Variants in DMD observed in about 807,000 individuals in gnomAD.
The protein encoded by DMD is mutant dystrophin.
In DMD, 63 loss-of-function variants were observed where a neutral mutation model predicts 330.1. The observed-to-expected ratio is 0.19, with a 90% CI of 0.16 to 0.24. The LOEUF (loss-of-function observed/expected upper bound fraction) is 0.24, where lower values mean the gene tolerates loss of function less well. Among genes scored for constraint, DMD ranks in the 10% least tolerant of loss-of-function variants. DMD has a pLI of 1.00. For synonymous variants in DMD, 1,223 were observed against 959.8 expected, an observed-to-expected ratio of 1.27 and a Z score of -5.07; for missense variants, 3,344 against 2,684.1, an observed-to-expected ratio of 1.25 and a Z score of -5.43.
intron 2 of DMD, among the ~76,000 whole-genome samples, chrX:32,923,869 A>G (rs1341990370): frequency 8.9e-6 from 1 of 111,973 alleles, no homozygotes; most frequent in Non-Finnish European, 1.9e-5. Context: ...GATACCCAAG[A>G]CAGAAATACA....
At chrX:32,346,149 A>G in intron 38 of DMD, 69 bp from the exon 39 acceptor site, 4 of 1,096,216 alleles carry the variant, frequency 3.6e-6, no homozygotes, top group Non-Finnish European at 5.0e-6. Context: ...AACAGAGATA[A>G]TAAGACATGT....
chrX:31,495,516 G>C (rs1191928766), intron 57 of DMD, among the ~76,000 whole-genome samples: 1 of 111,718 alleles, frequency 9.0e-6, no homozygotes, highest in Non-Finnish European at 1.9e-5. Flanking sequence ...GCTTAGTAGA[G>C]AAGATAGAAA....
intron 17 of DMD, among the ~76,000 whole-genome samples, chrX:32,533,944 G>A (rs976544839): frequency 2.7e-5 from 3 of 111,771 alleles, no homozygotes; most frequent in Non-Finnish European, 3.8e-5. Context: ...AGTGCAATGT[G>A]GAAAGCCATT....
chrX:32,920,883 A>G (rs767219492), intron 2 of DMD, among the ~76,000 whole-genome samples: 1 of 112,328 alleles, frequency 8.9e-6, no homozygotes, highest in East Asian at 2.8e-4. Context: ...GAGTCCAGGG[A>G]AGGAGAGAGA....
chrX:33,033,736 T>A (rs2094158149), intron 1 of DMD, among the ~76,000 whole-genome samples: 1 of 110,023 alleles, frequency 9.1e-6, no homozygotes, highest in African/African-American at 3.3e-5. Context: ...AAAGCTCTCA[T>A]ACTAGCCTTA....
chrX:31,952,916 G>A (rs1221192265), intron 45 of DMD, among the ~76,000 whole-genome samples: 1 of 112,173 alleles, frequency 8.9e-6, no homozygotes, highest in African/African-American at 3.2e-5. Context: ...CACAGTGTGT[G>A]GCTGTTGATA....
At chrX:31,928,989 T>A (rs1342872066) in intron 47 of DMD, among the ~76,000 whole-genome samples, 1 of 111,964 alleles carries the variant, frequency 8.9e-6, no homozygotes, top group Non-Finnish European at 1.9e-5. Flanking sequence ...GAATGAATAG[T>A]GCTGGATCAA....
At position 31,120,544 on chromosome X, in the gene DMD, A is replaced by ACAAT. The variant is rs2032229303; in HGVS notation, c.*1371_*1374dup. ...CATTTAAAAACTCATCCCACATGGG[A>ACAAT]CAATAAATCTAAAAAAGCAACAAAA... On this transcript the variant is annotated 3_prime_UTR_variant, in exon 79 of 79. Transcript: ENST00000357033. The ACAAT allele has an allele frequency of 8.9e-6, 1 of 112,118 alleles. No homozygotes were observed. The highest frequency in any genetic ancestry group is 3.2e-5 in the African/African-American group (1 of 30,880). 9.2% of individuals were successfully genotyped at this position (112,118 alleles called of 1,213,427 possible).
At chrX:31,219,683 T>C (rs1379916901) in intron 64 of DMD, among the ~76,000 whole-genome samples, 2 of 110,271 alleles carry the variant, frequency 1.8e-5, no homozygotes, top group African/African-American at 6.6e-5. Flanking sequence ...CATCTCCTCT[T>C]GGGCCAATAA....
Position 31,968,352 on chromosome X carries a change from C to A in DMD, c.6601G>T (p.Asp2201Tyr). 1 of 1,210,360 alleles carries A rather than the reference C, an allele frequency of 8.3e-7. No homozygotes were observed. The highest frequency in any genetic ancestry group is 1.1e-6 in the Non-Finnish European group (1 of 894,663). Residue 2201 changes from aspartate to tyrosine, a missense_variant, in exon 45 of 79, where the codon GAC (aspartate) becomes TAC (tyrosine). Physicochemically the swap from Asp to Tyr is radical, Grantham distance 160. Coordinates refer to ENST00000357033, the MANE Select transcript of DMD (RefSeq NM_004006.3). ...RWQEVCKQLS[D>Y]RKKRLEEQKN... ...CTGTCGCCCTACCTCTTTTTTCTGT[C>A]TGACAGCTGTTTGCAGACCTCCTGC... is the stretch of plus-strand genomic sequence containing the variant.
intron 2 of DMD, among the ~76,000 whole-genome samples, chrX:32,889,187 T>C (rs142300665): frequency 0.01 from 1,120 of 111,083 alleles, 13 homozygotes; most frequent in African/African-American, 0.035. Context: ...ATCGTGAGCA[T>C]GTGTCTTAGC....
intron 13 of DMD, among the ~76,000 whole-genome samples, chrX:32,574,529 A>G (rs185458674): frequency 1.8e-5 from 2 of 111,904 alleles, no homozygotes; most frequent in African/African-American, 6.5e-5. Context: ...AGGAAAACAA[A>G]TATTGTGATG....
At chrX:32,790,189 T>G (rs2075713778) in intron 7 of DMD, among the ~76,000 whole-genome samples, 1 of 111,324 alleles carries the variant, frequency 9.0e-6, no homozygotes, top group African/African-American at 3.3e-5. Context: ...TTGAATACAT[T>G]AACTAAGAGA....
intron 7 of DMD, among the ~76,000 whole-genome samples, chrX:32,800,897 T>C (rs2148687428): frequency 8.9e-6 from 1 of 112,065 alleles, no homozygotes; most frequent in Non-Finnish European, 1.9e-5. Context: ...TTTTTGTTGC[T>C]GCATAGTATT....
At chrX:32,857,664 G>T (rs755835858) in intron 2 of DMD, among the ~76,000 whole-genome samples, 1 of 112,034 alleles carries the variant, frequency 8.9e-6, no homozygotes, top group South Asian at 3.7e-4. Context: ...AGACCAAGAA[G>T]TATGTGCGTG....
At chrX:31,984,954 A>G (rs2095499851) in intron 44 of DMD, among the ~76,000 whole-genome samples, 1 of 112,070 alleles carries the variant, frequency 8.9e-6, no homozygotes, top group Non-Finnish European at 1.9e-5. Flanking sequence ...ATACTGAAAC[A>G]ATGATGGGAC....
chrX:31,946,373 A>G (rs914378180), intron 45 of DMD, among the ~76,000 whole-genome samples: 2 of 112,189 alleles, frequency 1.8e-5, no homozygotes, highest in Middle Eastern at 4.6e-3. Context: ...GAGTTGCAGG[A>G]GCTAAGTCCA....
chrX:31,301,023 T>C (rs886254031), intron 62 of DMD, among the ~76,000 whole-genome samples: 2 of 112,227 alleles, frequency 1.8e-5, no homozygotes, highest in African/African-American at 6.5e-5. Context: ...TTTGGATCCC[T>C]GGAGCAGATG....
intron 1 of DMD, among the ~76,000 whole-genome samples, chrX:33,284,073 C>T (rs2053388658): frequency 9.1e-6 from 1 of 110,330 alleles, no homozygotes; most frequent in Non-Finnish European, 1.9e-5. Flanking sequence ...AAATGTCTAC[C>T]AACTTGAAAT....
Sources: allele counts gnomAD v4.1 joint callset (sites outside exome capture counted in the v4.1 genomes callset), GRCh38; gene constraint gnomAD v4.1.1; transcripts MANE v1.5; gene names NCBI Gene and HGNC (gene_info 2026-07-23, HGNC 2026-07-21).